PKIB: variants seen among roughly 807,000 people sequenced by gnomAD.
PKIB encodes cAMP-dependent protein kinase inhibitor beta.
Under a neutral mutation model 4.5 loss-of-function variants are expected in PKIB, and 2 were observed. The ratio of observed to expected loss-of-function variants is 0.44; its 90% CI spans 0.18 to 1.39. The LOEUF (loss-of-function observed/expected upper bound fraction) is 1.39. Ranked by LOEUF, PKIB falls within the 40% of genes most tolerant of loss-of-function variation. The pLI is 0.27. For missense variants in PKIB, 94 were observed against 92.6 expected (o/e 1.02, Z -0.06); for synonymous variants, 38 against 36.0 (o/e 1.06, Z -0.20).
At chr6:122,690,094 G>A (rs1408934380) in intron 3 of PKIB, among the ~76,000 whole-genome samples, 1 of 151,492 alleles carries the variant, frequency 6.6e-6, no homozygotes, top group Non-Finnish European at 1.5e-5. Flanking sequence ...ACTTCCATTA[G>A]CATGGAATAT....
At chr6:122,611,410 CAACA>C (rs1197517998) in intron 1 of PKIB, among the ~76,000 whole-genome samples, 2 of 152,160 alleles carry the variant, frequency 1.3e-5, no homozygotes, top group African/African-American at 2.4e-5. Context: ...CTAAAACAAA[CAACA>C]AACAAACAAC....
chr6:122,658,314 A>AT (rs1776853000), intron 2 of PKIB, among the ~76,000 whole-genome samples: 1 of 152,136 alleles, frequency 6.6e-6, no homozygotes, highest in Non-Finnish European at 1.5e-5. Flanking sequence ...TAATTAAATG[A>AT]TTTTTACTAA....
intron 3 of PKIB, among the ~76,000 whole-genome samples, chr6:122,589,980 T>G (rs555822946): frequency 1.4e-4 from 21 of 152,310 alleles, no homozygotes; most frequent in African/African-American, 5.1e-4. Flanking sequence ...TTTTGATGCT[T>G]CTGTGCATAA....
chr6:122,653,460 G>C (rs1294883107), intron 2 of PKIB, among the ~76,000 whole-genome samples: 2 of 152,098 alleles, frequency 1.3e-5, no homozygotes, highest in Middle Eastern at 3.4e-3. Context: ...AGGATTGCAG[G>C]TGCCAATCTA....
At chr6:122,673,082 G>C (rs534165846) in intron 2 of PKIB, among the ~76,000 whole-genome samples, 1 of 151,888 alleles carries the variant, frequency 6.6e-6, no homozygotes, top group Non-Finnish European at 1.5e-5. Context: ...AAATAAACTG[G>C]AAAGAAGTGG....
At chr6:122,682,750 T>G (rs1249106243) in intron 3 of PKIB, among the ~76,000 whole-genome samples, 1 of 152,156 alleles carries the variant, frequency 6.6e-6, no homozygotes, top group East Asian at 1.9e-4. Flanking sequence ...TTCCAAAGCT[T>G]CTTGAGCCTG....
chr6:122,529,809 A>G (rs1371970629), intron 2 of PKIB, among the ~76,000 whole-genome samples: 1 of 152,108 alleles, frequency 6.6e-6, no homozygotes, highest in African/African-American at 2.4e-5. Flanking sequence ...TGATAATCTT[A>G]TGGAAACTCC....
At chr6:122,487,532 A>G (rs746581435) in intron 2 of PKIB, among the ~76,000 whole-genome samples, 2 of 152,192 alleles carry the variant, frequency 1.3e-5, no homozygotes, top group Non-Finnish European at 2.9e-5. Context: ...TGCTCTTATA[A>G]AAGAGACTCC....
chr6:122,524,648 C>G (rs1777045093), intron 2 of PKIB, among the ~76,000 whole-genome samples: 1 of 152,032 alleles, frequency 6.6e-6, no homozygotes, highest in African/African-American at 2.4e-5. Context: ...CTGATTCAAT[C>G]TCTTTACTTT....
At chr6:122,611,062 A>T (rs1774733764) in intron 1 of PKIB, among the ~76,000 whole-genome samples, 1 of 152,222 alleles carries the variant, frequency 6.6e-6, no homozygotes, top group Non-Finnish European at 1.5e-5. Flanking sequence ...TAAAATATGG[A>T]GGTGGGTAGA....
chr6:122,546,960 A>G (rs1422134903), intron 2 of PKIB, among the ~76,000 whole-genome samples: 1 of 152,076 alleles, frequency 6.6e-6, no homozygotes, highest in East Asian at 1.9e-4. Flanking sequence ...GATACAGGGG[A>G]AGAAGAGATT....
rs75328955 is a variant in PKIB, at chr6:122,635,562, A to C, written c.-76+2195A>C. 1.2e-3 allele frequency among the ~76,000 whole-genome samples: 187 copies of C among 151,166 alleles called. 3 individuals are homozygous for C. The East Asian group carries it at 0.02, about 16-fold the overall frequency. On this transcript the variant is annotated intron_variant, in intron 2 of 4. Coordinates refer to ENST00000368452, the MANE Select transcript of PKIB (RefSeq NM_181795.3). The stretch of plus-strand genomic sequence containing the variant: ...ACCAAAAAAGTAAAAAAAAAAAAAA[A>C]CTAAAAAAAGTATCACAAAAAAGAA...
At chr6:122,701,489 T>C (rs778888220) in intron 3 of PKIB, 1 of 1,596,972 alleles carries the variant, frequency 6.3e-7, no homozygotes, top group South Asian at 1.1e-5. Flanking sequence ...CCTGACAGCA[T>C]GTCACACCAG....
chr6:122,653,433 A>T (rs1452606255), intron 2 of PKIB, among the ~76,000 whole-genome samples: 1 of 152,022 alleles, frequency 6.6e-6, no homozygotes, highest in Non-Finnish European at 1.5e-5. Context: ...AAGAGGAAAG[A>T]CATAAATTGC....
intron 3 of PKIB, among the ~76,000 whole-genome samples, chr6:122,587,441 G>A (rs145499868): frequency 2.0e-5 from 3 of 152,266 alleles, no homozygotes; most frequent in African/African-American, 7.2e-5. Flanking sequence ...GGACATTAGG[G>A]TTGGTTTCAA....
intron 2 of PKIB, among the ~76,000 whole-genome samples, chr6:122,537,469 T>A (rs1777443367): frequency 6.6e-6 from 1 of 152,124 alleles, no homozygotes; most frequent in South Asian, 2.1e-4. Context: ...CTGAGAATGG[T>A]GGTTTCCAGT....
intron 2 of PKIB, among the ~76,000 whole-genome samples, chr6:122,510,527 A>G (rs1776552558): frequency 6.6e-6 from 1 of 152,190 alleles, no homozygotes; most frequent in African/African-American, 2.4e-5. Context: ...TATAATAACA[A>G]GTGGCCAGTC....
chr6:122,690,878 G>T (rs886816516), intron 3 of PKIB, among the ~76,000 whole-genome samples: 5 of 147,320 alleles, frequency 3.4e-5, no homozygotes, highest in African/African-American at 1.2e-4. Context: ...GCTTTTGTTT[G>T]TCTGGAAATG....
chr6:122,524,239 C>T (rs1777030890), intron 2 of PKIB, among the ~76,000 whole-genome samples: 1 of 142,362 alleles, frequency 7.0e-6, no homozygotes, highest in South Asian at 2.3e-4. Context: ...CTTCCTCATC[C>T]TCCTTCTTTT....
Sources: allele counts gnomAD v4.1 joint callset (sites outside exome capture counted in the v4.1 genomes callset), GRCh38; gene constraint gnomAD v4.1.1; transcripts MANE v1.5; gene names NCBI Gene and HGNC (gene_info 2026-07-23, HGNC 2026-07-21).